Variants in KYNU observed in about 807,000 individuals in gnomAD.
KYNU encodes L-kynurenine hydrolase.
KYNU carries 54 observed loss-of-function variants against 59.2 expected under a neutral mutation model. The observed-to-expected ratio is 0.91, with a 90% CI of 0.73 to 1.14. The LOEUF (loss-of-function observed/expected upper bound fraction) is 1.14, where lower values mean the gene tolerates loss of function less well. Ranked by LOEUF, KYNU falls within the 50% of genes most tolerant of loss-of-function variation. The probability of loss-of-function intolerance (pLI) is 0.00; values close to 1 mark genes in which losing one functional copy is unlikely to be tolerated. For synonymous variants in KYNU, 177 were observed against 192.0 expected (o/e 0.92, Z 0.65); for missense variants, 567 against 554.4 (o/e 1.02, Z -0.23).
At chr2:142,939,051 T>C (rs1399708449) in intron 4 of KYNU, among the ~76,000 whole-genome samples, 2 of 152,032 alleles carry the variant, frequency 1.3e-5, no homozygotes, top group African/African-American at 4.8e-5. Context: ...TTGAGCTACT[T>C]TTTAGGCTGA....
At chr2:142,937,354 C>A (rs1683425165) in intron 4 of KYNU, among the ~76,000 whole-genome samples, 1 of 152,140 alleles carries the variant, frequency 6.6e-6, no homozygotes, top group African/African-American at 2.4e-5. Flanking sequence ...AGCTACCAGT[C>A]CCCACACAGG....
At chr2:142,923,035 G>A (rs1162419963) in intron 3 of KYNU, among the ~76,000 whole-genome samples, 1 of 152,148 alleles carries the variant, frequency 6.6e-6, no homozygotes, top group Non-Finnish European at 1.5e-5. Context: ...CCTCCCACCT[G>A]TTTTACAAGG....
At chr2:142,990,134 C>G (rs1188275799) in intron 10 of KYNU, 1 of 151,710 alleles carries the variant, frequency 6.6e-6, no homozygotes, top group Admixed American at 6.6e-5. Context: ...TAACTTAGCT[C>G]ATTGCAATGT....
At chr2:142,879,140 CTAAT>C (rs1180815641) in intron 1 of KYNU, among the ~76,000 whole-genome samples, 1 of 152,170 alleles carries the variant, frequency 6.6e-6, no homozygotes, top group African/African-American at 2.4e-5. Context: ...CTTGTGAACA[CTAAT>C]TGTCTTAGCT....
intron 2 of KYNU, among the ~76,000 whole-genome samples, chr2:142,901,643 C>A (rs926896025): frequency 6.6e-6 from 1 of 151,984 alleles, no homozygotes; most frequent in East Asian, 1.9e-4. Flanking sequence ...GCTGTGTGGG[C>A]GTAGAGGACT....
chr2:142,995,670 G>A (rs995949769), intron 10 of KYNU, among the ~76,000 whole-genome samples: 3 of 152,014 alleles, frequency 2.0e-5, no homozygotes, highest in Non-Finnish European at 4.4e-5. Flanking sequence ...CTGGCATCAA[G>A]GGGTGAATGT....
At chr2:142,951,298 A>G (rs1683982375) in intron 4 of KYNU, among the ~76,000 whole-genome samples, 1 of 152,228 alleles carries the variant, frequency 6.6e-6, no homozygotes, top group Non-Finnish European at 1.5e-5. Context: ...CTATGCCTGT[A>G]ATCCCTTCAG....
At chr2:142,954,769 C>T (rs934045951) in intron 4 of KYNU, 41 bp from the exon 5 acceptor site, 2 of 1,299,358 alleles carry the variant, frequency 1.5e-6, no homozygotes, top group African/African-American at 2.9e-5. Context: ...TATCTTTAGA[C>T]ATAGTACAAA....
chr2:142,881,768 A>G (rs1351555000), intron 1 of KYNU, among the ~76,000 whole-genome samples: 2 of 152,116 alleles, frequency 1.3e-5, no homozygotes, highest in Non-Finnish European at 1.5e-5. Context: ...TTTTTTAAAC[A>G]GTCATGCTCT....
intron 1 of KYNU, among the ~76,000 whole-genome samples, chr2:142,878,193 A>G (rs1009622656): frequency 2.6e-5 from 4 of 152,178 alleles, no homozygotes; most frequent in Non-Finnish European, 4.4e-5. Context: ...CTACTCTTGA[A>G]CAGAGTTTCT....
At chr2:142,918,513 AGAGTT>A (rs1682750656) in intron 2 of KYNU, 91 bp from the exon 3 acceptor site, 1 of 1,287,232 alleles carries the variant, frequency 7.8e-7, no homozygotes, top group Admixed American at 2.8e-5. Context: ...TATCCTTCTT[AGAGTT>A]GATTGTATTA....
intron 4 of KYNU, among the ~76,000 whole-genome samples, chr2:142,953,093 G>A (rs1479539236): frequency 6.6e-6 from 1 of 152,130 alleles, no homozygotes; most frequent in African/African-American, 2.4e-5. Flanking sequence ...CAAACCGGAG[G>A]AAGCTGAAAG....
At chr2:142,989,022 C>T (rs763176746) in intron 10 of KYNU, 58 of 728,488 alleles carry the variant, frequency 8.0e-5, no homozygotes, top group Non-Finnish European at 1.3e-4. Flanking sequence ...CAAATACCAC[C>T]TGTGAGAAGA....
At chr2:142,891,120 A>G (rs753642125) in intron 2 of KYNU, among the ~76,000 whole-genome samples, 1 of 152,236 alleles carries the variant, frequency 6.6e-6, no homozygotes, top group Non-Finnish European at 1.5e-5. Flanking sequence ...GTCTTGACTC[A>G]ATCCTGCTTT....
chr2:142,948,789 T>C (rs1367200528), intron 4 of KYNU, among the ~76,000 whole-genome samples: 1 of 152,168 alleles, frequency 6.6e-6, no homozygotes, highest in East Asian at 1.9e-4. Flanking sequence ...AAATCTCATG[T>C]CCTCACATTT....
intron 12 of KYNU, among the ~76,000 whole-genome samples, chr2:143,040,088 T>C (rs2008533): frequency 0.16 from 23,922 of 152,094 alleles, 1,962 homozygotes; most frequent in East Asian, 0.27. Context: ...TAATATTTAA[T>C]GTAACCACTC....
In KYNU at chr2:142,888,532, T is replaced by C. The variant is rs575476493; in HGVS notation, c.169+2996T>C. Among the ~76,000 whole-genome samples, 3 of 152,246 alleles carry C rather than the reference T, an allele frequency of 2.0e-5. No individual in the cohort carries two copies. In the East Asian group the frequency reaches 5.8e-4, roughly 29 times the overall value. On this transcript the variant is annotated intron_variant, in intron 2 of 13. Coordinates refer to ENST00000264170, the MANE Select transcript of KYNU (RefSeq NM_003937.3). The stretch of plus-strand genomic sequence containing the variant: ...AACCCCAAGTGTTCTTCTACATCAG[T>C]GATTGTCAAAATGTGATCCCTTGAC...
chr2:142,987,476 C>T (rs145168808), intron 10 of KYNU, among the ~76,000 whole-genome samples: 24 of 152,076 alleles, frequency 1.6e-4, no homozygotes, highest in African/African-American at 5.8e-4. Flanking sequence ...ACATATGCCT[C>T]ATTTTGTGGA....
At chr2:142,952,610 A>T (rs1016522488) in intron 4 of KYNU, among the ~76,000 whole-genome samples, 11 of 151,100 alleles carry the variant, frequency 7.3e-5, no homozygotes, top group African/African-American at 2.7e-4. Context: ...CTAATTTTTA[A>T]AAACTGTTTG....
Sources: allele counts gnomAD v4.1 joint callset (sites outside exome capture counted in the v4.1 genomes callset), GRCh38; gene constraint gnomAD v4.1.1; transcripts MANE v1.5; gene names NCBI Gene and HGNC (gene_info 2026-07-23, HGNC 2026-07-21).